Variants in ARHGAP27 observed in about 807,000 individuals in gnomAD.
ARHGAP27 encodes Rho GTPase activating protein 27.
Under a neutral mutation model 102.0 loss-of-function variants are expected in ARHGAP27, and 53 were observed. That is an observed-to-expected ratio of 0.52 (90% CI 0.42 to 0.65). ARHGAP27 has a LOEUF of 0.65. Among genes scored for constraint, ARHGAP27 ranks in the 30% least tolerant of loss-of-function variants. ARHGAP27 has a pLI of 0.00. For missense variants in ARHGAP27, 1,117 were observed against 1,256.2 expected, an observed-to-expected ratio of 0.89 and a Z score of 1.68; for synonymous variants, 525 against 542.8, an observed-to-expected ratio of 0.97 and a Z score of 0.46.
chr17:45,410,910 G>A (rs1433207199), intron 4 of ARHGAP27, among the ~76,000 whole-genome samples: 1 of 152,122 alleles, frequency 6.6e-6, no homozygotes, highest in Non-Finnish European at 1.5e-5. Context: ...GACTGTGCCA[G>A]CCCCGAGGAG....
At chr17:45,399,615 G>GAAAAGAAAAGAAAAGAAAAGAAAAGAA (rs1279159669) in intron 12 of ARHGAP27, among the ~76,000 whole-genome samples, 2 of 151,582 alleles carry the variant, frequency 1.3e-5, no homozygotes, top group East Asian at 3.9e-4. Flanking sequence ...GAAAAGAAAA[G>GAAAAGAAAAGAAAAGAAAAGAAAAGAA]AAAAGAAAAT....
chr17:45,405,232 T>A, intron 5 of ARHGAP27, 126 bp from the exon 6 acceptor site: 1 of 1,017,178 alleles, frequency 9.8e-7, no homozygotes. Flanking sequence ...GGAGGCGGGG[T>A]CAGAAGCGCT....
Position 45,405,955 on chromosome 17 carries a change from G to C in ARHGAP27, c.786C>G (p.Arg262=). 1.3e-6 allele frequency: 2 copies of C among 1,535,906 alleles called. No individual in the cohort carries two copies. Among genetic ancestry groups the C allele is most frequent in the South Asian group, 2.4e-5 (2 of 84,060 alleles). The change falls in exon 5 of 20, where the codon CGC becomes CGG. Residue 262 remains arginine (R), a synonymous_variant. Transcript: ENST00000685559. The part of the protein sequence containing the change: ...WETHTDAGTG[R]PYYYNPDTGV... ...CCGTGTCTGGGTTGTAGTAGTAGGG[G>C]CGCCCGGTGCCCGCGTCCGTGTGCG...
Position 45,396,092 on chromosome 17 carries a change from C to T in ARHGAP27, c.2277G>A (p.Gly759=), listed in dbSNP as rs1335433590. The change falls in exon 18 of 20, where the codon GGG becomes GGA. Residue 759 remains glycine, a synonymous_variant. Transcript: ENST00000685559. ...TGATAACGTGGACGTCCTCCCAGCG[C>T]CCGTCATCCAGGTCAAGGCGCTCAT... ...DHDERLDLDD[G]RWEDVHVITG... 5.0e-6 allele frequency: 8 copies of T among 1,613,290 alleles called. No homozygotes were observed. The South Asian group carries it at 7.7e-5, about 16-fold the overall frequency.
rs916038038 is a variant in ARHGAP27, at chr17:45,430,900, C to T, written c.-18-603G>A. 2.6e-5 allele frequency among the ~76,000 whole-genome samples: 4 copies of T among 152,140 alleles called. No homozygotes were observed. The highest frequency in any genetic ancestry group is 9.7e-5 in the African/African-American group (4 of 41,426). On this transcript the variant is annotated intron_variant, in intron 3 of 19. Transcript: ENST00000685559. The surrounding 1 kb of genome is among the most constrained non-coding windows in gnomAD (Gnocchi z 4.4). ...GGGGGCTGTCGCTGCCCCCCTTAGT[C>T]CGAGGGCCTTGCTGTAGAGGCCTCC...
At chr17:45,414,463 C>T (rs1397837817) in intron 4 of ARHGAP27, among the ~76,000 whole-genome samples, 2 of 150,492 alleles carry the variant, frequency 1.3e-5, no homozygotes, top group East Asian at 2.0e-4. Flanking sequence ...TTTTAGACAG[C>T]GTCTTGCTCT....
chr17:45,406,864 A>G (rs2047234592), intron 4 of ARHGAP27, among the ~76,000 whole-genome samples: 1 of 152,174 alleles, frequency 6.6e-6, no homozygotes. Context: ...TGAACTTTCC[A>G]AGGTGAAGTT....
chr17:45,406,087 C>T lies in ARHGAP27; in HGVS notation c.658-4G>A, dbSNP rs2047133712. On this transcript the variant is annotated splice_polypyrimidine_tract_variant and splice_region_variant and intron_variant, in intron 4 of 19. Coordinates refer to ENST00000685559, the MANE Select transcript of ARHGAP27 (RefSeq NM_001282290.2). ...CGGGCTCCGGTGGGTCGTCCACCTG[C>T]GGGAGGAGAAAGGAGGAATTTTGTG... 2 of 1,509,484 alleles carry T rather than the reference C, an allele frequency of 1.3e-6. No homozygotes were observed. Among genetic ancestry groups the T allele is most frequent in the Non-Finnish European group, 1.8e-6 (2 of 1,130,460 alleles). 93.5% of individuals were successfully genotyped at this position (1,509,484 alleles called of 1,614,324 possible).
chr17:45,404,272 C>T lies in ARHGAP27; in HGVS notation c.1476G>A (p.Val492=). 6.2e-7 allele frequency: 1 copy of T among 1,613,988 alleles called. No homozygotes were observed. The highest frequency in any genetic ancestry group is 1.7e-5 in the Admixed American group (1 of 60,020). ...GGGGGTAGGGGGTGATGCCTACCCTCACAGCAGCTGTGGCAGGAGAGACTT... is the reference window on the plus strand; with the variant it reads ...GGGGGTAGGGGGTGATGCCTACCCTTACAGCAGCTGTGGCAGGAGAGACTT... ...WEEVSPATAA[V]RTKTLDKAGV... Residue 492 remains valine, a synonymous_variant, in exon 9 of 20, where the codon GTG becomes GTA. Transcript: ENST00000685559.
intron 4 of ARHGAP27, among the ~76,000 whole-genome samples, chr17:45,413,123 G>A (rs1353481912): frequency 6.6e-6 from 1 of 151,386 alleles, no homozygotes; most frequent in Admixed American, 6.6e-5. Flanking sequence ...AGGATTACAG[G>A]TGCCTGCCAC....
Position 45,426,201 on chromosome 17 carries a change from C to T in ARHGAP27, c.657+3422G>A, listed in dbSNP as rs565603715. ...GTCCTGAACACAGCCACTTCCTGGC[C>T]GTGTGAGCTTCGTCGTGTCACTAAA... On this transcript the variant is annotated intron_variant, in intron 4 of 19. Coordinates refer to ENST00000685559, the MANE Select transcript of ARHGAP27 (RefSeq NM_001282290.2). Among the ~76,000 whole-genome samples the T allele has an allele frequency of 1.7e-3, 254 of 152,214 alleles. 1 individual carries two copies. Among genetic ancestry groups the T allele is most frequent in the Non-Finnish European group, 2.8e-3 (192 of 67,996 alleles).
chr17:45,422,345 A>ATCCCT (rs1356260837), intron 4 of ARHGAP27, among the ~76,000 whole-genome samples: 1 of 151,854 alleles, frequency 6.6e-6, no homozygotes, highest in Non-Finnish European at 1.5e-5. Context: ...TCAGCCAGGG[A>ATCCCT]GGCTGAGGCT....
chr17:45,410,391 A>G, intron 4 of ARHGAP27: 1 of 1,287,690 alleles, frequency 7.8e-7, no homozygotes, highest in Non-Finnish European at 9.9e-7. Flanking sequence ...GGAAACAAGA[A>G]GTTGCCGAGA....
intron 4 of ARHGAP27, chr17:45,425,534 C>T (rs2049509371): frequency 3.1e-6 from 3 of 980,000 alleles, no homozygotes; most frequent in South Asian, 4.7e-5. Flanking sequence ...GCTGTGGCCA[C>T]CCCCTAGTCC....
rs549506562 is a variant in ARHGAP27, at chr17:45,404,581, C to T, written c.1329+20G>A. The T allele has an allele frequency of 5.4e-5, 87 of 1,613,958 alleles. 2 individuals carry two copies. In the South Asian group the frequency reaches 6.5e-4, roughly 12 times the overall value. On this transcript the variant is annotated intron_variant, in intron 7 of 19. Coordinates refer to ENST00000685559, the MANE Select transcript of ARHGAP27 (RefSeq NM_001282290.2). Reference sequence around the variant, plus strand: ...ATCTCTTCCTCTCTCCCCAACACCCCCCTTTCCCCAGGTTGTTACCTGGGG... The same window carrying T: ...ATCTCTTCCTCTCTCCCCAACACCCTCCTTTCCCCAGGTTGTTACCTGGGG...
rs182878980 is a variant in ARHGAP27, at chr17:45,414,293, C to T, written c.658-8210G>A. ...CCCAGTGGAAGGCACAGGGGCCTGC[C>T]GTCCAAGCCAACCTCCTCAGCCCGG... On this transcript the variant is annotated intron_variant, in intron 4 of 19. Coordinates refer to ENST00000685559, the MANE Select transcript of ARHGAP27 (RefSeq NM_001282290.2). Among the ~76,000 whole-genome samples the T allele has an allele frequency of 1.6e-3, 250 of 152,196 alleles. 2 individuals are homozygous for T. The highest frequency in any genetic ancestry group is 5.7e-3 in the African/African-American group (237 of 41,536).
chr17:45,430,574 A>G lies in ARHGAP27; in HGVS notation c.-18-277T>C, dbSNP rs1405757830. 6.6e-6 allele frequency among the ~76,000 whole-genome samples: 1 copy of G among 152,166 alleles called. No individual in the cohort carries two copies. Among genetic ancestry groups the G allele is most frequent in the Non-Finnish European group, 1.5e-5 (1 of 68,028 alleles). On this transcript the variant is annotated intron_variant, in intron 3 of 19. Transcript: ENST00000685559. The surrounding 1 kb of genome is among the most constrained non-coding windows in gnomAD (Gnocchi z 4.4). Reference sequence around the variant, plus strand: ...GTCCTGCGGTGGGGAGATTGTGGGTAGTCTTGGTCCAAATCGACTGCGAGG... The same window carrying G: ...GTCCTGCGGTGGGGAGATTGTGGGTGGTCTTGGTCCAAATCGACTGCGAGG...
rs753590754 is a variant in ARHGAP27, at chr17:45,395,514, T to C, written c.2612A>G (p.Gln871Arg). 1 of 1,597,292 alleles carries C rather than the reference T, an allele frequency of 6.3e-7. No homozygotes were observed. Among genetic ancestry groups the C allele is most frequent in the Admixed American group, 1.7e-5 (1 of 58,036 alleles). The stretch of plus-strand genomic sequence containing the variant: ...CAGGATGAGCTCCACCACCTGGTTC[T>C]GGAACACCATGGTCATGGGCATGCT... ...ETSMPMTMVFQNQVVELILQQ... is the reference protein window; with the variant it reads ...ETSMPMTMVFRNQVVELILQQ... Residue 871 changes from glutamine to arginine, a missense_variant, in exon 20 of 20, where the codon CAG becomes CGG. This residue lies in a region of ARHGAP27 where 493 missense variants were observed against 505.5 expected (regional missense o/e 0.98). Coordinates refer to ENST00000685559, the MANE Select transcript of ARHGAP27 (RefSeq NM_001282290.2).
In ARHGAP27 at chr17:45,427,313, C is replaced by T. The variant is rs2049716293; in HGVS notation, c.657+2310G>A. ...TGGCAAGGGCCCACGAGGCCCTGCC[C>T]GGGTGGGCACCCACTCTCAACCCTA... is the stretch of plus-strand genomic sequence containing the variant. On this transcript the variant is annotated intron_variant, in intron 4 of 19. Coordinates refer to ENST00000685559, the MANE Select transcript of ARHGAP27 (RefSeq NM_001282290.2). This position sits in a 1 kb window ranked among gnomAD's most constrained non-coding sequence, Gnocchi z 4.5. 6.6e-6 allele frequency among the ~76,000 whole-genome samples: 1 copy of T among 152,238 alleles called. No individual in the cohort carries two copies. The highest frequency in any genetic ancestry group is 1.5e-5 in the Non-Finnish European group (1 of 68,046).
Sources: allele counts gnomAD v4.1 joint callset (sites outside exome capture counted in the v4.1 genomes callset), GRCh38; gene constraint gnomAD v4.1.1; regional missense constraint gnomAD v4.1.1; non-coding constraint Gnocchi (gnomAD v3.1); transcripts MANE v1.5; gene names NCBI Gene and HGNC (gene_info 2026-07-23, HGNC 2026-07-21).